The following KALRN variants were observed in gnomAD, a reference collection of about 807,000 sequenced individuals.
The protein encoded by KALRN is kalirin RhoGEF kinase, also known as kalirin.
KALRN carries 70 observed loss-of-function variants against 353.7 expected under a neutral mutation model. The ratio of observed to expected loss-of-function variants is 0.20; its 90% CI spans 0.16 to 0.24. KALRN has a LOEUF of 0.24. Among genes scored for constraint, KALRN ranks in the 10% least tolerant of loss-of-function variants. The pLI is 1.00. For synonymous variants in KALRN, 1,391 were observed against 1,434.8 expected (o/e 0.97, Z 0.69); for missense variants, 2,791 against 3,756.7 (o/e 0.74, Z 6.72).
At chr3:124,688,876 A>G (rs534690891) in intron 51 of KALRN, among the ~76,000 whole-genome samples, 23 of 152,210 alleles carry the variant, frequency 1.5e-4, no homozygotes, top group Admixed American at 1.5e-3. Flanking sequence ...TATTACCTGT[A>G]ACTCTTTCCT....
chr3:124,126,917 A>G (rs2064747485), intron 1 of KALRN, among the ~76,000 whole-genome samples: 1 of 152,132 alleles, frequency 6.6e-6, no homozygotes, highest in Non-Finnish European at 1.5e-5. Context: ...TGGGCACAAT[A>G]CTCTAAGTCA....
intron 10 of KALRN, among the ~76,000 whole-genome samples, chr3:124,356,316 T>TC (rs1377356277): frequency 5.4e-5 from 7 of 128,642 alleles, no homozygotes; most frequent in Non-Finnish European, 1.1e-4. Flanking sequence ...TGTTCTCTTT[T>TC]TTTTTTCTTT....
chr3:124,524,782 T>A (rs895976822), intron 33 of KALRN, among the ~76,000 whole-genome samples: 6 of 152,188 alleles, frequency 3.9e-5, no homozygotes, highest in Admixed American at 6.5e-5. Context: ...AGGATGAGTC[T>A]CTTAAATATA....
Position 124,720,616 on chromosome 3 carries a change from T to TCACCCTAA in KALRN, c.*1149_*1156dup, listed in dbSNP as rs1418543420. On this transcript the variant is annotated 3_prime_UTR_variant, in exon 60 of 60. Coordinates refer to ENST00000682506, the MANE Select transcript of KALRN (RefSeq NM_001388419.1). ...AAGCCATGGAACAAAACCTGATACA[T>TCACCCTAA]CACCCTAACAGAGCATTAAGTTGTA... is the stretch of plus-strand genomic sequence containing the variant. 6.6e-6 allele frequency: 1 copy of TCACCCTAA among 152,584 alleles called. No homozygotes were observed. Among genetic ancestry groups the TCACCCTAA allele is most frequent in the Non-Finnish European group, 1.5e-5 (1 of 68,034 alleles). 9.5% of individuals were successfully genotyped at this position (152,584 alleles called of 1,614,324 possible). A position where few individuals can be genotyped will look rare whatever the true frequency, so the allele number is the denominator to read the frequency against.
intron 1 of KALRN, among the ~76,000 whole-genome samples, chr3:124,053,865 G>A (rs1043385222): frequency 9.2e-5 from 14 of 152,118 alleles, no homozygotes; most frequent in Non-Finnish European, 2.1e-4. Context: ...ATCCATTTCC[G>A]CTTGGCTTGT....
intron 34 of KALRN, among the ~76,000 whole-genome samples, chr3:124,590,006 T>C (rs2075617207): frequency 6.6e-6 from 1 of 152,108 alleles, no homozygotes; most frequent in Non-Finnish European, 1.5e-5. Context: ...TCTATTTCTA[T>C]CTTTCTTTTT....
chr3:124,145,360 C>T (rs552614306), intron 1 of KALRN, among the ~76,000 whole-genome samples: 1 of 152,296 alleles, frequency 6.6e-6, no homozygotes, highest in African/African-American at 2.4e-5. Context: ...ACCTGAAAAA[C>T]GCTGATGCCC....
chr3:124,138,868 G>A (rs938745511), intron 1 of KALRN, among the ~76,000 whole-genome samples: 1 of 152,146 alleles, frequency 6.6e-6, no homozygotes, highest in Non-Finnish European at 1.5e-5. Context: ...ACTTCTGCTG[G>A]GGGGAAAAGG....
In KALRN at chr3:124,691,750, C is replaced by T. The variant is rs532797105; in HGVS notation, c.7378-2054C>T. Among the ~76,000 whole-genome samples, 4 of 152,328 alleles carry T rather than the reference C, an allele frequency of 2.6e-5. No homozygotes were observed. The South Asian group carries it at 8.3e-4, about 32-fold the overall frequency. ...AAATGACTGACTGGGATGCCATTCT[C>T]CCTGCCTTATCCAAACCAGGAAGAG... On this transcript the variant is annotated intron_variant, in intron 51 of 59. Coordinates refer to ENST00000682506, the MANE Select transcript of KALRN (RefSeq NM_001388419.1).
intron 1 of KALRN, among the ~76,000 whole-genome samples, chr3:124,166,430 G>T (rs1290577210): frequency 6.6e-6 from 1 of 152,076 alleles, no homozygotes; most frequent in African/African-American, 2.4e-5. Context: ...TCAGAAGCAG[G>T]ACCACCAGAT....
At chr3:124,074,021 T>G (rs2060144210) in intron 1 of KALRN, among the ~76,000 whole-genome samples, 1 of 151,930 alleles carries the variant, frequency 6.6e-6, no homozygotes, top group African/African-American at 2.4e-5. Flanking sequence ...ATAGCAGAGA[T>G]AGAGCAAAGA....
intron 10 of KALRN, among the ~76,000 whole-genome samples, chr3:124,364,940 CTT>C: frequency 6.6e-6 from 1 of 152,352 alleles, no homozygotes; most frequent in Non-Finnish European, 1.5e-5. Context: ...GTAGACTACT[CTT>C]TGGCTTCACA....
At chr3:124,082,691 CTT>C in intron 1 of KALRN, among the ~76,000 whole-genome samples, 1 of 152,268 alleles carries the variant, frequency 6.6e-6, no homozygotes, top group East Asian at 1.9e-4. Context: ...CAAACAATGA[CTT>C]CGGTTCAGAG....
In KALRN at chr3:124,696,117, C is replaced by A; in HGVS notation, c.7578-17C>A. On this transcript the variant is annotated splice_polypyrimidine_tract_variant and intron_variant, in intron 53 of 59. Transcript: ENST00000682506. ...CTCATTACTGGAGTCTGAAGAGCAT[C>A]CTTTTGGTGTCCCTAGTGATTCTGG... is the stretch of plus-strand genomic sequence containing the variant. The A allele has an allele frequency of 6.2e-7, 1 of 1,613,014 alleles. No individual in the cohort carries two copies. Among genetic ancestry groups the A allele is most frequent in the African/African-American group, 1.3e-5 (1 of 74,960 alleles).
At chr3:124,663,414 G>A (rs769080628) in intron 45 of KALRN, among the ~76,000 whole-genome samples, 89 of 152,304 alleles carry the variant, frequency 5.8e-4, no homozygotes, top group Non-Finnish European at 1.1e-3. Flanking sequence ...AATTGATGGG[G>A]GCATGGAAGG....
intron 33 of KALRN, among the ~76,000 whole-genome samples, chr3:124,559,940 C>T (rs749779573): frequency 2.0e-5 from 3 of 152,194 alleles, no homozygotes; most frequent in Non-Finnish European, 2.9e-5. Flanking sequence ...TTGTCTACAA[C>T]GTGTGAGCAT....
At position 124,633,900 on chromosome 3, in the gene KALRN, C is replaced by A; in HGVS notation, c.5515C>A (p.Pro1839Thr). 1 of 1,614,102 alleles carries A rather than the reference C, an allele frequency of 6.2e-7. No homozygotes were observed. Residue 1839 changes from proline (P) to threonine (T), a missense_variant, in exon 36 of 60, where the codon CCC (proline) becomes ACC (threonine). Physicochemically the swap from Pro to Thr is conservative, Grantham distance 38 (BLOSUM62 -1). Transcript: ENST00000682506. ...TGAGCCGGATGAAGAGTCACACACA[C>A]CCCTCCCACCACCTATGAAGATTTT... ...EDEPDEESHT[P>T]LPPPMKIFDN... is the part of the protein sequence containing the mutation.
intron 51 of KALRN, among the ~76,000 whole-genome samples, chr3:124,688,173 G>A (rs1419273324): frequency 3.9e-5 from 6 of 152,042 alleles, no homozygotes; most frequent in African/African-American, 7.2e-5. Flanking sequence ...TTAGTTGGAT[G>A]TGGCTGTGTT....
intron 1 of KALRN, among the ~76,000 whole-genome samples, chr3:124,218,211 C>A (rs2077535106): frequency 6.6e-6 from 1 of 152,098 alleles, no homozygotes; most frequent in Non-Finnish European, 1.5e-5. Context: ...AATCACAGAG[C>A]CCCAAACTGA....
Sources: gnomAD v4.1 joint callset for allele counts (sites outside exome capture counted in the v4.1 genomes callset) on GRCh38, gnomAD v4.1.1 for gene constraint, MANE v1.5 for transcripts, NCBI Gene and HGNC (gene_info 2026-07-23, HGNC 2026-07-21) for gene names.